Variants in TSPEAR observed in about 807,000 individuals in gnomAD.
TSPEAR encodes thrombospondin-type laminin G domain and EAR repeat-containing protein.
In TSPEAR, 69 loss-of-function variants were observed where a neutral mutation model predicts 71.6. The observed-to-expected ratio is 0.96, with a 90% CI of 0.79 to 1.18. TSPEAR has a LOEUF of 1.18. Among genes scored for constraint, TSPEAR ranks in the 50% most tolerant of loss-of-function variants. The pLI is 0.00. For missense variants in TSPEAR, 971 were observed against 894.9 expected (o/e 1.09, Z -1.09); for synonymous variants, 402 against 387.2 (o/e 1.04, Z -0.45).
At position 44,627,478 on chromosome 21, in the gene TSPEAR, G is replaced by A. The variant is rs782122695; in HGVS notation, c.83-59473C>T. 54 of 1,541,540 alleles carry A rather than the reference G, an allele frequency of 3.5e-5. No homozygotes were observed. The highest frequency in any genetic ancestry group is 2.4e-4 in the South Asian group (19 of 80,756). The stretch of plus-strand genomic sequence containing the variant: ...CTGCCAGCAGGCCTGCTGCGTGCCC[G>A]TCTGCTGCAAGCCTGTGTGCTGCGT... On this transcript the variant is annotated intron_variant, in intron 1 of 11. Coordinates refer to ENST00000323084, the MANE Select transcript of TSPEAR (RefSeq NM_144991.3).
At chr21:44,604,264 G>C (rs77116214) in intron 1 of TSPEAR, among the ~76,000 whole-genome samples, 6,504 of 152,210 alleles carry the variant, frequency 0.043, 340 homozygotes, top group African/African-American at 0.12. Flanking sequence ...ACTTCTGTTG[G>C]TTTCTGAACC....
At chr21:44,586,187 A>G (rs1407054911) in intron 1 of TSPEAR, among the ~76,000 whole-genome samples, 1 of 152,248 alleles carries the variant, frequency 6.6e-6, no homozygotes, top group East Asian at 1.9e-4. Flanking sequence ...CTGAGTGCCC[A>G]TGGCTGTCCT....
chr21:44,539,200 G>T, intron 2 of TSPEAR: 1 of 1,521,476 alleles, frequency 6.6e-7, no homozygotes, highest in Non-Finnish European at 8.8e-7. Flanking sequence ...ACGGGGACCC[G>T]TCCTAGGTGG....
At chr21:44,527,232 TG>T in intron 7 of TSPEAR, 59 bp downstream of exon 7, 1 of 1,589,418 alleles carries the variant, frequency 6.3e-7, no homozygotes, top group Non-Finnish European at 8.6e-7. Context: ...GGGCCCCGCC[TG>T]TGGACTCGGG....
At chr21:44,698,338 C>T (rs1987483227) in intron 1 of TSPEAR, among the ~76,000 whole-genome samples, 1 of 152,210 alleles carries the variant, frequency 6.6e-6, no homozygotes, top group Admixed American at 6.5e-5. Context: ...CGACAGGAGG[C>T]CAGGACACAG....
intron 1 of TSPEAR, among the ~76,000 whole-genome samples, chr21:44,655,805 G>C (rs1175927116): frequency 3.3e-5 from 5 of 152,176 alleles, no homozygotes; most frequent in African/African-American, 4.8e-5. Flanking sequence ...CCATCTCTCA[G>C]GGCAGAGCTA....
rs368747664 is a variant in TSPEAR, at chr21:44,540,176, C to G, written c.304-6253G>C. ...GCTGGGGTGGGGAGGAGGTGAGCTG[C>G]GGGAGGTGTGAGTGAGTGAGTGTGG... is the stretch of plus-strand genomic sequence containing the variant. On this transcript the variant is annotated intron_variant, in intron 2 of 11. Transcript: ENST00000323084. The G allele has an allele frequency of 2.3e-5, 37 of 1,604,550 alleles. No homozygotes were observed. In the Admixed American group the frequency reaches 3.0e-4, roughly 13 times the overall value.
intron 9 of TSPEAR, chr21:44,518,221 G>T (rs2052645525): frequency 4.6e-6 from 2 of 432,344 alleles, no homozygotes; most frequent in South Asian, 3.5e-5. Context: ...AGCTAGCTCA[G>T]TTTCTTTCAG....
At chr21:44,631,977 G>A (rs782224045) in intron 1 of TSPEAR, among the ~76,000 whole-genome samples, 72 of 152,264 alleles carry the variant, frequency 4.7e-4, no homozygotes, top group Admixed American at 1.8e-3. Flanking sequence ...TTTCCAAGAT[G>A]AAAAGTTTTG....
chr21:44,643,944 C>T (rs113207203), intron 1 of TSPEAR, among the ~76,000 whole-genome samples: 46 of 152,220 alleles, frequency 3.0e-4, no homozygotes, highest in African/African-American at 8.2e-4. Flanking sequence ...CCAGCCACGA[C>T]GAAAGGGAGT....
intron 1 of TSPEAR, among the ~76,000 whole-genome samples, chr21:44,592,750 G>A (rs116685105): frequency 0.011 from 1,739 of 152,250 alleles, 28 homozygotes; most frequent in African/African-American, 0.04. Context: ...AGCTGGGTTC[G>A]GGGAGCTGGG....
chr21:44,630,175 A>G (rs1351774420), intron 1 of TSPEAR, among the ~76,000 whole-genome samples: 1 of 152,184 alleles, frequency 6.6e-6, no homozygotes, highest in African/African-American at 2.4e-5. Context: ...CAGAGGGGGA[A>G]CAAGCACTGG....
At chr21:44,692,810 T>A (rs1987174147) in intron 1 of TSPEAR, among the ~76,000 whole-genome samples, 1 of 151,874 alleles carries the variant, frequency 6.6e-6, no homozygotes. Context: ...TTCAATGCAG[T>A]CCTTATCAAA....
intron 1 of TSPEAR, among the ~76,000 whole-genome samples, chr21:44,689,957 T>G (rs556332029): frequency 2.0e-5 from 3 of 151,856 alleles, no homozygotes; most frequent in Admixed American, 6.6e-5. Context: ...TGCTTTATAT[T>G]CGCTGGCAGC....
intron 1 of TSPEAR, chr21:44,627,269 C>T: frequency 6.2e-7 from 1 of 1,612,642 alleles, no homozygotes; most frequent in South Asian, 1.1e-5. Flanking sequence ...CCCTGCTGCG[C>T]CACCAGCTGC....
At chr21:44,504,980 CG>C (rs2052160759) in intron 10 of TSPEAR, 99 bp from the exon 11 acceptor site, 2 of 880,762 alleles carry the variant, frequency 2.3e-6, no homozygotes, top group East Asian at 2.5e-5. Context: ...GAGGAGGAGC[CG>C]GGGCCAAAGT....
At chr21:44,644,879 C>T (rs185547900) in intron 1 of TSPEAR, among the ~76,000 whole-genome samples, 27 of 152,138 alleles carry the variant, frequency 1.8e-4, no homozygotes, top group Non-Finnish European at 3.5e-4. Context: ...AGCCTAGAAA[C>T]AAAAGCGTGA....
intron 1 of TSPEAR, among the ~76,000 whole-genome samples, chr21:44,656,117 T>C (rs587770549): frequency 6.6e-6 from 1 of 152,310 alleles, no homozygotes; most frequent in Admixed American, 6.5e-5. Context: ...TAGTTCAGAA[T>C]CACACTTAAA....
chr21:44,539,379 A>AT, intron 2 of TSPEAR: 1 of 1,612,732 alleles, frequency 6.2e-7, no homozygotes, highest in Non-Finnish European at 8.5e-7. Flanking sequence ...CTGGCCTGGC[A>AT]GGAGGAGGCA....
Sources: allele counts gnomAD v4.1 joint callset (sites outside exome capture counted in the v4.1 genomes callset), GRCh38; gene constraint gnomAD v4.1.1; transcripts MANE v1.5; gene names NCBI Gene and HGNC (gene_info 2026-07-23, HGNC 2026-07-21).